SERPINB11: variants seen among roughly 807,000 people sequenced by gnomAD.
The protein encoded by SERPINB11 is serpin B11.
In SERPINB11, 32 loss-of-function variants were observed where a neutral mutation model predicts 36.7. The observed-to-expected ratio is 0.87, with a 90% CI of 0.66 to 1.17. The LOEUF (loss-of-function observed/expected upper bound fraction) is 1.17. Among genes scored for constraint, SERPINB11 ranks in the 50% most tolerant of loss-of-function variants. The pLI is 0.00. For missense variants in SERPINB11, 528 were observed against 458.4 expected (o/e 1.15, Z -1.39); for synonymous variants, 174 against 168.1 (o/e 1.04, Z -0.27).
At chr18:63,707,346 C>T (rs1914398051) in intron 1 of SERPINB11, among the ~76,000 whole-genome samples, 1 of 152,140 alleles carries the variant, frequency 6.6e-6, no homozygotes, top group South Asian at 2.1e-4. Flanking sequence ...GACTAGGTGA[C>T]ATGAAGACCC....
At chr18:63,718,378 G>A (rs1007765617) in intron 5 of SERPINB11, among the ~76,000 whole-genome samples, 1 of 151,962 alleles carries the variant, frequency 6.6e-6, no homozygotes. Context: ...GATTTGGAGA[G>A]AAAATACATC....
intron 5 of SERPINB11, among the ~76,000 whole-genome samples, chr18:63,719,228 C>T (rs994444477): frequency 1.3e-5 from 2 of 151,976 alleles, no homozygotes; most frequent in Non-Finnish European, 1.5e-5. Flanking sequence ...AATGTTATTT[C>T]ATCTTTTGTT....
At chr18:63,714,368 T>C (rs563852122) in intron 4 of SERPINB11, among the ~76,000 whole-genome samples, 5 of 152,224 alleles carry the variant, frequency 3.3e-5, no homozygotes, top group Non-Finnish European at 7.4e-5. Context: ...CGGGCATGCA[T>C]TGTCATTGAT....
At chr18:63,715,560 A>G (rs1023135741) in intron 4 of SERPINB11, among the ~76,000 whole-genome samples, 3 of 152,152 alleles carry the variant, frequency 2.0e-5, no homozygotes, top group South Asian at 2.1e-4. Context: ...TTTTATTATT[A>G]ATTATATTTA....
chr18:63,719,919 TA>T, intron 5 of SERPINB11, 93 bp from the exon 6 acceptor site: 1 of 1,043,872 alleles, frequency 9.6e-7, no homozygotes, highest in African/African-American at 1.7e-5. Context: ...CAATTAGTCT[TA>T]AAAAAGAAAT....
intron 3 of SERPINB11, among the ~76,000 whole-genome samples, chr18:63,711,945 A>C (rs2144537460): frequency 6.6e-6 from 1 of 152,316 alleles, no homozygotes; most frequent in South Asian, 2.1e-4. Context: ...TACCAGCTTC[A>C]CGGAACCCAA....
In SERPINB11 at chr18:63,723,252, G is replaced by C; in HGVS notation, c.1032G>C (p.Thr344=). 2 of 1,613,950 alleles carry C rather than the reference G, an allele frequency of 1.2e-6. No homozygotes were observed. Among genetic ancestry groups the C allele is most frequent in the Non-Finnish European group, 1.7e-6 (2 of 1,179,860 alleles). Residue 344 remains threonine (T), a synonymous_variant, in exon 8 of 8, where the codon ACG becomes ACC. Coordinates refer to ENST00000544088, the MANE Select transcript of SERPINB11 (RefSeq NM_001370475.1). ...KSYLDVSEEG[T]EAAAATGDSI... Reference sequence around the variant, plus strand: ...ACCTGGATGTCAGCGAAGAGGGCACGGAGGCAGCAGCAGCCACTGGGGACA... The same window carrying C: ...ACCTGGATGTCAGCGAAGAGGGCACCGAGGCAGCAGCAGCCACTGGGGACA...
At chr18:63,712,738 C>T (rs545987832) in intron 4 of SERPINB11, 45 bp downstream of exon 4, 1 of 1,593,296 alleles carries the variant, frequency 6.3e-7, no homozygotes, top group South Asian at 1.1e-5. Flanking sequence ...TTGGCGTCCT[C>T]TGAATTTCAT....
intron 2 of SERPINB11, among the ~76,000 whole-genome samples, 186 bp from the exon 3 acceptor site, chr18:63,711,149 T>C (rs986041271): frequency 2.0e-5 from 3 of 152,162 alleles, no homozygotes; most frequent in African/African-American, 7.2e-5. Context: ...TATCTACTCA[T>C]AAAGTTGTTG....
At chr18:63,722,609 G>A (rs750405463) in intron 7 of SERPINB11, among the ~76,000 whole-genome samples, 3 of 152,136 alleles carry the variant, frequency 2.0e-5, no homozygotes, top group Admixed American at 1.3e-4. Context: ...CAAGAATCAC[G>A]CTCATAAAGG....
At chr18:63,715,744 A>G (rs545296063) in intron 4 of SERPINB11, among the ~76,000 whole-genome samples, 24 of 152,316 alleles carry the variant, frequency 1.6e-4, no homozygotes, top group African/African-American at 5.5e-4. Context: ...GAAGGTGCTC[A>G]TGTATTGCAA....
intron 1 of SERPINB11, among the ~76,000 whole-genome samples, chr18:63,706,076 A>C (rs1598957704): frequency 2.0e-5 from 3 of 152,346 alleles, no homozygotes; most frequent in Admixed American, 2.0e-4. Context: ...TGTCAAGAGC[A>C]AAGAAAACTG....
At chr18:63,710,128 T>G in intron 1 of SERPINB11, 51 bp from the exon 2 acceptor site, 3 of 1,419,426 alleles carry the variant, frequency 2.1e-6, no homozygotes, top group Non-Finnish European at 2.9e-6. Context: ...CTCCAGATAC[T>G]ATCTGTAACT....
At chr18:63,715,967 T>G in intron 4 of SERPINB11, 68 bp from the exon 5 acceptor site, 2 of 932,650 alleles carry the variant, frequency 2.1e-6, no homozygotes, top group Non-Finnish European at 3.3e-6. Flanking sequence ...TAGAATACAT[T>G]GAGCTGTAGA....
rs376859091 is a variant in SERPINB11 at position 63,712,712 on chromosome 18, G to A, written c.357+19G>A. 12 of 1,606,178 alleles carry A rather than the reference G, an allele frequency of 7.5e-6. No homozygotes were observed. The highest frequency in any genetic ancestry group is 1.3e-5 in the African/African-American group (1 of 74,730). On this transcript the variant is annotated intron_variant, in intron 4 of 7. Transcript: ENST00000544088. ...TCATCAGGTAAGTCCATTTGGAAGA[G>A]TGATCAACAACTTTCTTGGCGTCCT... is the stretch of plus-strand genomic sequence containing the variant.
chr18:63,714,801 G>A (rs894422322), intron 4 of SERPINB11, among the ~76,000 whole-genome samples: 1 of 151,992 alleles, frequency 6.6e-6, no homozygotes, highest in African/African-American at 2.4e-5. Context: ...TGCAGTTAAC[G>A]CAATCATCAC....
chr18:63,706,603 T>TAC (rs905391231), intron 1 of SERPINB11, among the ~76,000 whole-genome samples: 36 of 152,286 alleles, frequency 2.4e-4, no homozygotes, highest in African/African-American at 6.7e-4. Context: ...GTAACTATGC[T>TAC]ACAGAAAGGT....
Position 63,717,451 on chromosome 18 carries a change from A to T in SERPINB11, c.475+1299A>T, listed in dbSNP as rs1478041096. Among the ~76,000 whole-genome samples, 8 of 152,018 alleles carry T rather than the reference A, an allele frequency of 5.3e-5. 1 individual carries two copies. Among genetic ancestry groups the T allele is most frequent in the Admixed American group, 2.0e-4 (3 of 15,240 alleles). On this transcript the variant is annotated intron_variant, in intron 5 of 7. Transcript: ENST00000544088. Reference sequence around the variant, plus strand: ...CATTCAATTGTAGTAGATGCCAAGCAATTTTCTTAAGTGGTTGTGTCAATT... The same window carrying T: ...CATTCAATTGTAGTAGATGCCAAGCTATTTTCTTAAGTGGTTGTGTCAATT...
At chr18:63,711,898 G>T (rs1364581492) in intron 3 of SERPINB11, among the ~76,000 whole-genome samples, 7 of 152,198 alleles carry the variant, frequency 4.6e-5, no homozygotes, top group Non-Finnish European at 1.0e-4. Flanking sequence ...ATTACGATTG[G>T]TTGAGAAAAT....
Sources: allele counts gnomAD v4.1 joint callset (sites outside exome capture counted in the v4.1 genomes callset), GRCh38; gene constraint gnomAD v4.1.1; transcripts MANE v1.5; gene names NCBI Gene and HGNC (gene_info 2026-07-23, HGNC 2026-07-21).